The following COL5A1 variants were observed in gnomAD, a reference collection of about 807,000 sequenced individuals.
COL5A1 encodes collagen type V alpha 1 chain, also known as collagen alpha-1(V) chain.
COL5A1 carries 16 observed loss-of-function variants against 263.7 expected under a neutral mutation model. The ratio of observed to expected loss-of-function variants is 0.06; its 90% CI spans 0.04 to 0.09. COL5A1 has a LOEUF of 0.09. Ranked by LOEUF, COL5A1 falls within the 10% of genes least tolerant of loss-of-function variation. The pLI, the probability that COL5A1 is intolerant of heterozygous loss-of-function variation, is 1.00. For synonymous variants in COL5A1, 1,012 were observed against 1,004.5 expected (o/e 1.01, Z -0.14); for missense variants, 2,036 against 2,540.5 (o/e 0.80, Z 4.27).
At chr9:134,657,168 T>G (rs974267008) in intron 1 of COL5A1, among the ~76,000 whole-genome samples, 4 of 320 alleles carry the variant, frequency 0.013, no homozygotes, top group Non-Finnish European at 0.012. Context: ...ATATGGGGGT[T>G]GGGGCAGGGG....
chr9:134,677,496 C>T lies in COL5A1; in HGVS notation c.110-13416C>T, dbSNP rs1330491316. The stretch of plus-strand genomic sequence containing the variant: ...AGTAGAGAGAGGCCATGTGCAAATG[C>T]TCAGGTTCGTGGAGCCAGGCTCTTG... On this transcript the variant is annotated intron_variant, in intron 1 of 65. Transcript: ENST00000371817. The surrounding 1 kb of genome is among the most constrained non-coding windows in gnomAD (Gnocchi z 4.4). Among the ~76,000 whole-genome samples, 1 of 152,196 alleles carries T rather than the reference C, an allele frequency of 6.6e-6. No individual in the cohort carries two copies. The highest frequency in any genetic ancestry group is 2.4e-5 in the African/African-American group (1 of 41,432).
At chr9:134,762,257 T>G (rs11103509) in intron 19 of COL5A1, among the ~76,000 whole-genome samples, 1 of 152,168 alleles carries the variant, frequency 6.6e-6, no homozygotes, top group Non-Finnish European at 1.5e-5. Flanking sequence ...CACTGCAGGA[T>G]GCAGGTGCCC....
chr9:134,818,623 C>G lies in COL5A1; in HGVS notation c.4231-33C>G, dbSNP rs751319202. 53 of 1,540,474 alleles carry G rather than the reference C, an allele frequency of 3.4e-5. No individual in the cohort carries two copies. The highest frequency in any genetic ancestry group is 4.4e-5 in the Non-Finnish European group (50 of 1,123,868). On this transcript the variant is annotated intron_variant, in intron 54 of 65. Coordinates refer to ENST00000371817, the MANE Select transcript of COL5A1 (RefSeq NM_000093.5). The surrounding 1 kb of genome is among the most constrained non-coding windows in gnomAD (Gnocchi z 6.0). The stretch of plus-strand genomic sequence containing the variant: ...GCCAGGGTGCCTGGAGCCTAGAGCT[C>G]CGGACCTCATTCTGCCCTCCGCCGT...
intron 11 of COL5A1, among the ~76,000 whole-genome samples, chr9:134,744,918 G>A (rs1835455321): frequency 6.6e-6 from 1 of 152,120 alleles, no homozygotes. Context: ...CACACACCCA[G>A]GCGTGCACGT....
intron 9 of COL5A1, among the ~76,000 whole-genome samples, chr9:134,733,746 G>C (rs1056519981): frequency 6.6e-6 from 1 of 152,214 alleles, no homozygotes; most frequent in African/African-American, 2.4e-5. Context: ...TCTGCCCAAG[G>C]GTGTTTGCCA....
chr9:134,835,513 C>G (rs1839821459), intron 65 of COL5A1, among the ~76,000 whole-genome samples: 1 of 152,214 alleles, frequency 6.6e-6, no homozygotes, highest in African/African-American at 2.4e-5. Context: ...GAATGGAGGA[C>G]CCGTTGTGGT....
At chr9:134,650,414 G>C (rs1275373100) in intron 1 of COL5A1, among the ~76,000 whole-genome samples, 1 of 152,224 alleles carries the variant, frequency 6.6e-6, no homozygotes, top group Non-Finnish European at 1.5e-5. Flanking sequence ...CAAAGACATT[G>C]GGTGTGTCAG....
chr9:134,766,625 T>A, intron 22 of COL5A1, 127 bp downstream of exon 22: 1 of 956,566 alleles, frequency 1.0e-6, no homozygotes, highest in Non-Finnish European at 1.6e-6. Context: ...GCAGACCCTC[T>A]GCTGTGGTGC....
chr9:134,750,407 A>T, intron 11 of COL5A1, 135 bp from the exon 12 acceptor site: 1 of 784,810 alleles, frequency 1.3e-6, no homozygotes, highest in Non-Finnish European at 2.2e-6. Context: ...CATTCCTGCC[A>T]CGGGGTCTCA....
intron 1 of COL5A1, among the ~76,000 whole-genome samples, chr9:134,665,744 G>A (rs1344213884): frequency 1.3e-5 from 2 of 152,198 alleles, no homozygotes; most frequent in Non-Finnish European, 2.9e-5. Flanking sequence ...CAAGCAAGCA[G>A]CTGGCCTTTG....
chr9:134,828,007 A>C (rs976211665), intron 63 of COL5A1, among the ~76,000 whole-genome samples: 2 of 152,180 alleles, frequency 1.3e-5, no homozygotes, highest in Non-Finnish European at 2.9e-5. Context: ...CTCAAGAAGA[A>C]GGCTGGGGGG....
chr9:134,805,328 G>A (rs1306516951), intron 41 of COL5A1, 114 bp downstream of exon 41: 4 of 1,210,106 alleles, frequency 3.3e-6, no homozygotes, highest in Non-Finnish European at 4.9e-6. Context: ...AGGAGCCTGG[G>A]GAGGATGTGG....
At position 134,841,722 on chromosome 9, in the gene COL5A1, G is replaced by T. The variant is rs1370061134; in HGVS notation, c.5371-435G>T. On this transcript the variant is annotated intron_variant, in intron 65 of 65. Transcript: ENST00000371817. This position sits in a 1 kb window ranked among gnomAD's most constrained non-coding sequence, Gnocchi z 4.8. ...TCGGACTCCTTCCTTTTCGAACCTG[G>T]AGCCCCCGTTTGATTTTCCAGTGTG... Among the ~76,000 whole-genome samples, 2 of 152,102 alleles carry T rather than the reference G, an allele frequency of 1.3e-5. No homozygotes were observed.
chr9:134,733,045 G>A (rs528313528), intron 9 of COL5A1, among the ~76,000 whole-genome samples: 14 of 152,330 alleles, frequency 9.2e-5, no homozygotes, highest in African/African-American at 3.1e-4. Flanking sequence ...TTGTCCAAGT[G>A]CCCACAGGAG....
At chr9:134,661,418 AGTCCT>A (rs2132497387) in intron 1 of COL5A1, among the ~76,000 whole-genome samples, 1 of 151,850 alleles carries the variant, frequency 6.6e-6, no homozygotes, top group East Asian at 1.9e-4. Flanking sequence ...AGGAGCCTCC[AGTCCT>A]GTGGGCAGAT....
At position 134,754,004 on chromosome 9, in the gene COL5A1, G is replaced by C; in HGVS notation, c.1773+101G>C. 8 of 1,102,344 alleles carry C rather than the reference G, an allele frequency of 7.3e-6. No homozygotes were observed. The highest frequency in any genetic ancestry group is 1.2e-5 in the South Asian group (1 of 80,102). The allele number at this position is 1,102,344 out of a possible 1,614,324, so 68.3% of individuals were successfully genotyped here. On this transcript the variant is annotated intron_variant, in intron 15 of 65. Coordinates refer to ENST00000371817, the MANE Select transcript of COL5A1 (RefSeq NM_000093.5). This position sits in a 1 kb window ranked among gnomAD's most constrained non-coding sequence, Gnocchi z 4.3. ...GACCCCAACTGCTGCATGTTTTCAA[G>C]GAAATTCGTGGGAATTGTCCTTGCT... is the stretch of plus-strand genomic sequence containing the variant.
chr9:134,674,487 G>A (rs1312316320), intron 1 of COL5A1, among the ~76,000 whole-genome samples: 1 of 152,022 alleles, frequency 6.6e-6, no homozygotes, highest in Non-Finnish European at 1.5e-5. Context: ...ACTCCTGGGG[G>A]TGATGGACAT....
At chr9:134,814,136 C>G in intron 49 of COL5A1, 100 bp downstream of exon 49, 1 of 1,225,454 alleles carries the variant, frequency 8.2e-7, no homozygotes, top group South Asian at 1.4e-5. Flanking sequence ...GCTTTTCCAT[C>G]CACGAAATGG....
chr9:134,705,099 A>T (rs1291875218), intron 4 of COL5A1, among the ~76,000 whole-genome samples: 1 of 152,226 alleles, frequency 6.6e-6, no homozygotes, highest in East Asian at 1.9e-4. Flanking sequence ...GTTTAGAGTT[A>T]TACTGAACAA....
Sources: gnomAD v4.1 joint callset for allele counts (sites outside exome capture counted in the v4.1 genomes callset) on GRCh38, gnomAD v4.1.1 for gene constraint, Gnocchi (gnomAD v3.1) non-coding constraint, MANE v1.5 for transcripts, NCBI Gene and HGNC (gene_info 2026-07-23, HGNC 2026-07-21) for gene names.